SEC13: variants seen among roughly 807,000 people sequenced by gnomAD.
SEC13 encodes the protein protein SEC13 homolog.
A neutral mutation model predicts 49.2 loss-of-function variants in SEC13; 25 were observed. The ratio of observed to expected loss-of-function variants is 0.51; its 90% CI spans 0.37 to 0.71. The LOEUF (loss-of-function observed/expected upper bound fraction) is 0.71. Among genes scored for constraint, SEC13 ranks in the 30% least tolerant of loss-of-function variants. The pLI, the probability that SEC13 is intolerant of heterozygous loss-of-function variation, is 0.00. For synonymous variants in SEC13, 148 were observed against 163.9 expected (o/e 0.90, Z 0.74); for missense variants, 383 against 417.6 (o/e 0.92, Z 0.72).
chr3:10,301,660 A>G (rs1009048083), intron 8 of SEC13, among the ~76,000 whole-genome samples: 1 of 152,178 alleles, frequency 6.6e-6, no homozygotes, highest in South Asian at 2.1e-4. Context: ...GGTGGCGGGG[A>G]GCAGGGTTCG....
rs1445934825 is a variant in SEC13 at position 10,315,403 on chromosome 3, G to C, written c.82C>G (p.Leu28Val). ...DAQMDYYGTR[L>V]ATCSSDRSVK... The stretch of plus-strand genomic sequence containing the variant: ...GACCTGTCTGATGAGCAGGTTGCCA[G>C]GCGGGTGCCATAGTAGTCCATCTGG... Residue 28 changes from leucine to valine, a missense_variant, in exon 3 of 9, where the codon CTG becomes GTG. Coordinates refer to ENST00000350697, the MANE Select transcript of SEC13 (RefSeq NM_183352.3). 1 of 1,608,666 alleles carries C rather than the reference G, an allele frequency of 6.2e-7. No individual in the cohort carries two copies. The highest frequency in any genetic ancestry group is 1.3e-5 in the African/African-American group (1 of 74,606).
intron 1 of SEC13, 61 bp from the exon 2 acceptor site, chr3:10,318,155 G>A: frequency 9.1e-7 from 1 of 1,100,818 alleles, no homozygotes; most frequent in South Asian, 1.3e-5. Flanking sequence ...ACCATCTCAA[G>A]TTCTTGACTG....
At chr3:10,318,634 G>A (rs1468852634) in intron 1 of SEC13, among the ~76,000 whole-genome samples, 1 of 152,118 alleles carries the variant, frequency 6.6e-6, no homozygotes, top group Non-Finnish European at 1.5e-5. Context: ...TATGCATAAC[G>A]GGGTTATTAC....
intron 1 of SEC13, chr3:10,319,171 C>T: frequency 6.2e-7 from 1 of 1,613,564 alleles, no homozygotes; most frequent in South Asian, 1.1e-5. Flanking sequence ...CCAGCACAAG[C>T]CCTGTAGGTA....
At chr3:10,309,805 G>A (rs767792364) in intron 5 of SEC13, among the ~76,000 whole-genome samples, 1 of 152,214 alleles carries the variant, frequency 6.6e-6, no homozygotes, top group Non-Finnish European at 1.5e-5. Flanking sequence ...GGTGAGATGA[G>A]TTTTCCTGAT....
intron 3 of SEC13, chr3:10,314,842 A>T (rs1268936196): frequency 6.5e-6 from 1 of 154,270 alleles, no homozygotes; most frequent in African/African-American, 2.4e-5. Context: ...CATTATTCTT[A>T]CGGTGATGCT....
chr3:10,315,271 G>C lies in SEC13; in HGVS notation c.164+50C>G, dbSNP rs752164150. ...TGCTCCCACGCTTGAAGCAGGGCCTGAGAACCCACACCATTCCTGGAGCCC... is the reference window on the plus strand; with the variant it reads ...TGCTCCCACGCTTGAAGCAGGGCCTCAGAACCCACACCATTCCTGGAGCCC... On this transcript the variant is annotated intron_variant, in intron 3 of 8. Transcript: ENST00000350697. 1.5e-5 allele frequency: 20 copies of C among 1,364,244 alleles called. 1 individual carries two copies. The highest frequency in any genetic ancestry group is 2.1e-5 in the Non-Finnish European group (20 of 957,436). The allele number at this position is 1,364,244 out of a possible 1,614,324, so 84.5% of individuals were successfully genotyped here.
In SEC13 at chr3:10,315,447, AG is replaced by A. The variant is rs746528815; in HGVS notation, c.49-12del. On this transcript the variant is annotated splice_polypyrimidine_tract_variant and intron_variant, in intron 2 of 8. Transcript: ENST00000350697. ...CATCTGGGCGTCGTGCTGCAAAGGG[AG>A]GACAGCTCGGGAAGCCTGCAGGCTG... 8.9e-7 allele frequency: 1 copy of A among 1,118,518 alleles called. No individual in the cohort carries two copies. The highest frequency in any genetic ancestry group is 1.2e-6 in the Non-Finnish European group (1 of 824,006). The allele number at this position is 1,118,518 out of a possible 1,614,324, so 69.3% of individuals were successfully genotyped here. A position where few individuals can be genotyped will look rare whatever the true frequency, so the allele number is the denominator to read the frequency against.
At chr3:10,303,975 G>C (rs1700703670) in intron 8 of SEC13, 51 bp downstream of exon 8, 2 of 1,604,610 alleles carry the variant, frequency 1.2e-6, no homozygotes, top group Non-Finnish European at 1.7e-6. Flanking sequence ...TAGTGGGCGG[G>C]GTGAAGACCA....
In SEC13 at chr3:10,301,281, C is replaced by T. The variant is rs200839974; in HGVS notation, c.949G>A (p.Gly317Ser). 2.9e-5 allele frequency: 47 copies of T among 1,614,004 alleles called. No individual in the cohort carries two copies. Among genetic ancestry groups the T allele is most frequent in the Non-Finnish European group, 3.8e-5 (45 of 1,180,028 alleles). The change falls in exon 9 of 9, where the codon GGC becomes AGC. Residue 317 changes from glycine to serine, a missense_variant. Gly to Ser is a moderately conservative substitution (Grantham distance 56). Transcript: ENST00000350697. The stretch of plus-strand genomic sequence containing the variant: ...TCTTGTCACTGCTCGTTCTGCTGGC[C>T]CTCTGTCACTGATGCTGATACGGAG... ...QGSVSASVTE[G>S]QQNEQ
At chr3:10,305,004 A>C in intron 7 of SEC13, 29 bp downstream of exon 7, 1 of 1,613,774 alleles carries the variant, frequency 6.2e-7, no homozygotes, top group Non-Finnish European at 8.5e-7. Flanking sequence ...AGACTAAATG[A>C]CAAGGGATAC....
At chr3:10,318,364 C>A (rs1284785049) in intron 1 of SEC13, among the ~76,000 whole-genome samples, 1 of 151,784 alleles carries the variant, frequency 6.6e-6, no homozygotes, top group Admixed American at 6.6e-5. Context: ...CCTGTAGGAG[C>A]CTGAGGGGCT....
At chr3:10,308,322 C>T (rs1333787496) in intron 5 of SEC13, among the ~76,000 whole-genome samples, 1 of 152,108 alleles carries the variant, frequency 6.6e-6, no homozygotes, top group Non-Finnish European at 1.5e-5. Context: ...CACAGTGTGT[C>T]CTTTTTCTTC....
chr3:10,301,542 A>G (rs1700514292), intron 8 of SEC13, among the ~76,000 whole-genome samples, 168 bp from the exon 9 acceptor site: 1 of 152,214 alleles, frequency 6.6e-6, no homozygotes, highest in Admixed American at 6.5e-5. Flanking sequence ...CCAGGAATAA[A>G]AACTCACAGA....
rs1238172542 is a variant in SEC13, at chr3:10,312,050, C to G, written c.365G>C (p.Cys122Ser). Residue 122 changes from cysteine (C) to serine (S), a missense_variant, in exon 5 of 9, where the codon TGT becomes TCT. Cys to Ser is a moderately radical substitution (Grantham distance 112). Coordinates refer to ENST00000350697, the MANE Select transcript of SEC13 (RefSeq NM_183352.3). ...GGAGATGGCCCCATCCGAGCTCCCACAGGCCAGGATCAGGCCGTAGTCATG... is the reference window on the plus strand; with the variant it reads ...GGAGATGGCCCCATCCGAGCTCCCAGAGGCCAGGATCAGGCCGTAGTCATG... Reference protein sequence around the residue: ...APHDYGLILACGSSDGAISLL... With the variant: ...APHDYGLILASGSSDGAISLL... The G allele has an allele frequency of 1.2e-6, 2 of 1,613,332 alleles. No individual in the cohort carries two copies. The highest frequency in any genetic ancestry group is 8.5e-7 in the Non-Finnish European group (1 of 1,179,640).
At chr3:10,315,762 C>T (rs1160680313) in intron 2 of SEC13, among the ~76,000 whole-genome samples, 1 of 152,096 alleles carries the variant, frequency 6.6e-6, no homozygotes, top group Admixed American at 6.5e-5. Context: ...CTTCTTCCTC[C>T]ATCCTCTCAG....
At chr3:10,320,266 C>T (rs949145826) in intron 1 of SEC13, among the ~76,000 whole-genome samples, 4 of 152,192 alleles carry the variant, frequency 2.6e-5, no homozygotes, top group Non-Finnish European at 5.9e-5. Context: ...TAGGTTCCTG[C>T]AGGTTCCCTC....
chr3:10,316,869 C>T (rs894228915), intron 2 of SEC13, among the ~76,000 whole-genome samples: 3 of 151,992 alleles, frequency 2.0e-5, no homozygotes, highest in Admixed American at 6.5e-5. Flanking sequence ...GGAGTGGTGG[C>T]GCACGCCTGT....
chr3:10,307,939 T>C (rs955083496), intron 5 of SEC13, among the ~76,000 whole-genome samples: 1 of 152,212 alleles, frequency 6.6e-6, no homozygotes, highest in African/African-American at 2.4e-5. Context: ...GCTGAAGTCT[T>C]TGTAGTCATT....
Sources: gnomAD v4.1 joint callset for allele counts (sites outside exome capture counted in the v4.1 genomes callset) on GRCh38, gnomAD v4.1.1 for gene constraint, MANE v1.5 for transcripts, NCBI Gene and HGNC (gene_info 2026-07-23, HGNC 2026-07-21) for gene names.